SIL1: variants seen among roughly 807,000 people sequenced by gnomAD.
SIL1 encodes SIL1 nucleotide exchange factor.
A neutral mutation model predicts 49.1 loss-of-function variants in SIL1; 40 were observed. The ratio of observed to expected loss-of-function variants is 0.81; its 90% CI spans 0.63 to 1.06. The LOEUF is 1.06. Among genes scored for constraint, SIL1 ranks in the 50% least tolerant of loss-of-function variants. The probability of loss-of-function intolerance (pLI) is 0.00; values close to 1 mark genes in which losing one functional copy is unlikely to be tolerated. For missense variants in SIL1, 500 were observed against 572.6 expected (o/e 0.87, Z 1.29); for synonymous variants, 253 against 250.8 (o/e 1.01, Z -0.08).
Position 139,125,914 on chromosome 5 carries a change from G to C in SIL1, c.105+1825C>G, listed in dbSNP as rs1427129518. 3.9e-5 allele frequency among the ~76,000 whole-genome samples: 6 copies of C among 152,306 alleles called. No homozygotes were observed. In the East Asian group the frequency reaches 1.2e-3, roughly 29 times the overall value. On this transcript the variant is annotated intron_variant, in intron 2 of 9. Coordinates refer to ENST00000394817, the MANE Select transcript of SIL1 (RefSeq NM_022464.5). ...ACCACAGCAGGAGCCAGGAAGGAAA[G>C]CTGGCTCCAGATCATACTGTGATAC...
At chr5:139,098,854 T>A (rs1333128051) in intron 3 of SIL1, among the ~76,000 whole-genome samples, 1 of 139,254 alleles carries the variant, frequency 7.2e-6, no homozygotes, top group Non-Finnish European at 1.5e-5. Flanking sequence ...TCTCGCTCTG[T>A]CACTCAGGCT....
chr5:138,985,053 G>A (rs1396966342), intron 7 of SIL1, among the ~76,000 whole-genome samples: 1 of 152,258 alleles, frequency 6.6e-6, no homozygotes, highest in African/African-American at 2.4e-5. Flanking sequence ...ATGGGGAGAA[G>A]AGAAGCAGGG....
intron 1 of SIL1, among the ~76,000 whole-genome samples, chr5:139,196,864 C>T (rs1261160185): frequency 6.6e-6 from 1 of 152,082 alleles, no homozygotes; most frequent in African/African-American, 2.4e-5. Flanking sequence ...AAAATCCTAC[C>T]CAATCCCCAA....
At chr5:139,162,404 C>T (rs1238992467) in intron 1 of SIL1, among the ~76,000 whole-genome samples, 1 of 152,168 alleles carries the variant, frequency 6.6e-6, no homozygotes, top group Non-Finnish European at 1.5e-5. Context: ...AAGCTTGCTT[C>T]CTTATGACAG....
At chr5:138,986,788 T>C (rs1476237786) in intron 7 of SIL1, among the ~76,000 whole-genome samples, 2 of 152,208 alleles carry the variant, frequency 1.3e-5, no homozygotes, top group Non-Finnish European at 2.9e-5. Context: ...GAAAATACAT[T>C]TCTTGAAGAA....
At chr5:139,003,648 G>A (rs1768042870) in intron 7 of SIL1, among the ~76,000 whole-genome samples, 1 of 152,062 alleles carries the variant, frequency 6.6e-6, no homozygotes, top group African/African-American at 2.4e-5. Flanking sequence ...ATTTTATGAT[G>A]AGCATATATA....
At chr5:138,967,944 G>A (rs1386976950) in intron 7 of SIL1, among the ~76,000 whole-genome samples, 2 of 152,124 alleles carry the variant, frequency 1.3e-5, no homozygotes, top group Admixed American at 6.5e-5. Flanking sequence ...AGGAGGCCAC[G>A]CAGACAGGGC....
chr5:139,174,939 A>C lies in SIL1; in HGVS notation c.-11+23330T>G, dbSNP rs1751848421. On this transcript the variant is annotated intron_variant, in intron 1 of 9. Transcript: ENST00000394817. Reference sequence around the variant, plus strand: ...GATGACAGAGTAAGACTGTGTCTCAAAAAAAAAAAAAAAAAAAAAAAGAAT... The same window carrying C: ...GATGACAGAGTAAGACTGTGTCTCACAAAAAAAAAAAAAAAAAAAAAGAAT... Among the ~76,000 whole-genome samples the C allele has an allele frequency of 3.9e-5, 3 of 77,506 alleles. No homozygotes were observed. The Admixed American group carries it at 4.2e-4, about 11-fold the overall frequency. 50.8% of individuals were successfully genotyped at this position (77,506 alleles called of 152,430 possible).
chr5:138,967,717 T>C (rs1346726102), intron 7 of SIL1, among the ~76,000 whole-genome samples: 1 of 152,152 alleles, frequency 6.6e-6, no homozygotes, highest in Non-Finnish European at 1.5e-5. Context: ...AAAGTGTGGA[T>C]ATCAATGCCA....
chr5:139,166,749 A>AT (rs1334901887), intron 1 of SIL1, among the ~76,000 whole-genome samples: 1 of 151,954 alleles, frequency 6.6e-6, no homozygotes, highest in Non-Finnish European at 1.5e-5. Flanking sequence ...GGCTCAGGTG[A>AT]TTTTCCCACC....
At chr5:138,999,490 T>C (rs1401307748) in intron 7 of SIL1, among the ~76,000 whole-genome samples, 4 of 152,034 alleles carry the variant, frequency 2.6e-5, no homozygotes, top group Non-Finnish European at 4.4e-5. Flanking sequence ...TGAGACCCTA[T>C]CTGTGTAAAA....
intron 1 of SIL1, among the ~76,000 whole-genome samples, chr5:139,138,655 T>C (rs1293494761): frequency 6.6e-6 from 1 of 152,202 alleles, no homozygotes. Context: ...GAGGACTTGA[T>C]AGTAACTATT....
At chr5:139,065,892 T>C (rs1769694226) in intron 3 of SIL1, among the ~76,000 whole-genome samples, 1 of 152,244 alleles carries the variant, frequency 6.6e-6, no homozygotes, top group Non-Finnish European at 1.5e-5. Flanking sequence ...TGACTACTTG[T>C]GGTCTGGATC....
Position 139,058,964 on chromosome 5 carries a change from A to ATGTGTGTGTGTGTG in SIL1, c.245-7919_245-7918insCACACACACACACA, listed in dbSNP as rs113502024. Among the ~76,000 whole-genome samples, 753 of 86,816 alleles carry ATGTGTGTGTGTGTG rather than the reference A, an allele frequency of 8.7e-3. 6 individuals are homozygous for ATGTGTGTGTGTGTG. Among genetic ancestry groups the ATGTGTGTGTGTGTG allele is most frequent in the African/African-American group, 0.04 (711 of 17,688 alleles). 57.0% of individuals were successfully genotyped at this position (86,816 alleles called of 152,430 possible). Reference sequence around the variant, plus strand: ...GCCCTCTCAGTAGGCGGAGCTAGAAATGTGTATGTGTGTGTGTGTGTGTAA... The same window carrying ATGTGTGTGTGTGTG: ...GCCCTCTCAGTAGGCGGAGCTAGAAATGTGTGTGTGTGTGTGTGTATGTGTGTGTGTGTGTGTAA... On this transcript the variant is annotated intron_variant, in intron 3 of 9. Transcript: ENST00000394817.
At chr5:139,025,539 G>GTTAC (rs1165767431) in intron 6 of SIL1, among the ~76,000 whole-genome samples, 1 of 152,162 alleles carries the variant, frequency 6.6e-6, no homozygotes, top group Non-Finnish European at 1.5e-5. Context: ...AGTCTGATCA[G>GTTAC]TTACTTCCCT....
In SIL1 at chr5:139,042,707, G is replaced by T; in HGVS notation, c.366C>A (p.Asn122Lys). ...GATCCTGAGATGTGTAGGTGTTGGT[G>T]TTGATATCCAGCCTGTCCAAAGAAA... is the stretch of plus-strand genomic sequence containing the variant. Reference protein sequence around the residue: ...NNLKGKRLDINTNTYTSQDLK... With the variant: ...NNLKGKRLDIKTNTYTSQDLK... The change falls in exon 5 of 10, where the codon AAC becomes AAA. Residue 122 changes from asparagine to lysine, a missense_variant. Asn to Lys is a moderately conservative substitution (Grantham distance 94). Coordinates refer to ENST00000394817, the MANE Select transcript of SIL1 (RefSeq NM_022464.5). The T allele has an allele frequency of 6.2e-7, 1 of 1,614,154 alleles. No individual in the cohort carries two copies. Among genetic ancestry groups the T allele is most frequent in the South Asian group, 1.1e-5 (1 of 91,076 alleles).
intron 1 of SIL1, among the ~76,000 whole-genome samples, chr5:139,149,074 G>C (rs11739682): frequency 1.3e-5 from 2 of 151,652 alleles, no homozygotes; most frequent in Non-Finnish European, 1.5e-5. Context: ...CCCTGGCTTC[G>C]GAGAAGCCAG....
At chr5:138,990,782 C>G (rs903516827) in intron 7 of SIL1, among the ~76,000 whole-genome samples, 1 of 152,218 alleles carries the variant, frequency 6.6e-6, no homozygotes, top group African/African-American at 2.4e-5. Context: ...GTGGCGCGAT[C>G]TCGGCTCACC....
intron 4 of SIL1, among the ~76,000 whole-genome samples, chr5:139,042,982 A>G (rs913704612): frequency 4.6e-5 from 7 of 152,186 alleles, no homozygotes; most frequent in African/African-American, 1.7e-4. Context: ...TGGGCAACAG[A>G]GTCAGACCCT....
Sources: gnomAD v4.1 joint callset for allele counts (sites outside exome capture counted in the v4.1 genomes callset) on GRCh38, gnomAD v4.1.1 for gene constraint, MANE v1.5 for transcripts, NCBI Gene and HGNC (gene_info 2026-07-23, HGNC 2026-07-21) for gene names.